Variants in USP37 observed in about 807,000 individuals in gnomAD.
The protein encoded by USP37 is ubiquitin specific peptidase 37.
In USP37, 27 loss-of-function variants were observed where a neutral mutation model predicts 124.0. The observed-to-expected ratio is 0.22, with a 90% CI of 0.16 to 0.30. The LOEUF is 0.30. Ranked by LOEUF, USP37 falls within the 10% of genes least tolerant of loss-of-function variation. USP37 has a pLI of 1.00. For synonymous variants in USP37, 365 were observed against 388.0 expected (o/e 0.94, Z 0.70); for missense variants, 889 against 1,140.4 (o/e 0.78, Z 3.17).
chr2:218,476,561 C>A (rs1237791361), intron 19 of USP37, among the ~76,000 whole-genome samples: 1 of 152,008 alleles, frequency 6.6e-6, no homozygotes, highest in African/African-American at 2.4e-5. Flanking sequence ...GGCAACAGAG[C>A]GATACCCTGT....
intron 10 of USP37, among the ~76,000 whole-genome samples, chr2:218,527,710 G>A (rs1691061462): frequency 6.6e-6 from 1 of 152,126 alleles, no homozygotes; most frequent in Non-Finnish European, 1.5e-5. Flanking sequence ...TTAGATTTAA[G>A]ATTCTTCTAA....
chr2:218,470,822 T>C (rs1216762982), intron 20 of USP37, among the ~76,000 whole-genome samples: 1 of 152,154 alleles, frequency 6.6e-6, no homozygotes, highest in African/African-American at 2.4e-5. Context: ...AAGTCACAGA[T>C]ATTTATTGAG....
intron 4 of USP37, among the ~76,000 whole-genome samples, chr2:218,555,180 C>T (rs1692897523): frequency 6.6e-6 from 1 of 152,172 alleles, no homozygotes; most frequent in Admixed American, 6.5e-5. Flanking sequence ...AGTCAGGCAG[C>T]CTTATTCTCT....
intron 8 of USP37, 43 bp downstream of exon 8, chr2:218,546,178 G>A (rs746932323): frequency 6.7e-7 from 1 of 1,487,786 alleles, no homozygotes; most frequent in South Asian, 1.2e-5. Flanking sequence ...ACCAATATAA[G>A]AAACACTGCT....
At chr2:218,567,803 G>A (rs1367910384) in intron 1 of USP37, among the ~76,000 whole-genome samples, 1 of 152,216 alleles carries the variant, frequency 6.6e-6, no homozygotes, top group African/African-American at 2.4e-5. Context: ...AGAGGAAGGT[G>A]AAGATGGTCA....
intron 10 of USP37, among the ~76,000 whole-genome samples, chr2:218,526,785 C>CTTTTTTTTTTTTTTTTTTT (rs71064454): frequency 9.2e-5 from 7 of 75,914 alleles, no homozygotes; most frequent in Non-Finnish European, 1.1e-4. Context: ...ATTTCATTTG[C>CTTTTTTTTTTTTTTTTTTT]TTTTTTTTTT....
At chr2:218,520,580 G>A (rs1376642187) in intron 10 of USP37, among the ~76,000 whole-genome samples, 1 of 151,260 alleles carries the variant, frequency 6.6e-6, no homozygotes, top group African/African-American at 2.4e-5. Flanking sequence ...TCAAACTCCC[G>A]ACCTCGGGTG....
At chr2:218,464,697 C>T (rs1323567177) in intron 21 of USP37, among the ~76,000 whole-genome samples, 2 of 152,166 alleles carry the variant, frequency 1.3e-5, no homozygotes, top group African/African-American at 4.8e-5. Context: ...AAGTCAGATC[C>T]TGTTGCCTAT....
chr2:218,460,876 G>A (rs1689983148), intron 22 of USP37, among the ~76,000 whole-genome samples: 1 of 151,960 alleles, frequency 6.6e-6, no homozygotes, highest in Non-Finnish European at 1.5e-5. Flanking sequence ...GGGAGGCGGA[G>A]GTTGCAGTGA....
At chr2:218,565,859 G>C (rs149165590) in intron 1 of USP37, among the ~76,000 whole-genome samples, 1 of 152,096 alleles carries the variant, frequency 6.6e-6, no homozygotes, top group African/African-American at 2.4e-5. Context: ...GACCAGCCTG[G>C]CCAACATGGT....
intron 5 of USP37, among the ~76,000 whole-genome samples, chr2:218,550,986 T>A (rs978937715): frequency 1.3e-5 from 2 of 152,148 alleles, no homozygotes; most frequent in East Asian, 3.8e-4. Flanking sequence ...CTAGTTTTTA[T>A]GTAACACCCA....
rs553478416 is a variant in USP37, at chr2:218,532,339, G to A, written c.778+2270C>T. Among the ~76,000 whole-genome samples the A allele has an allele frequency of 6.6e-5, 10 of 151,954 alleles. No homozygotes were observed. In the East Asian group the frequency reaches 1.2e-3, roughly 18 times the overall value. ...AAATTAGCTGCATGTAGTGGTGTGCGCCTGTAGTCCCAGCTACTCGGGAGG... is the reference window on the plus strand; with the variant it reads ...AAATTAGCTGCATGTAGTGGTGTGCACCTGTAGTCCCAGCTACTCGGGAGG... On this transcript the variant is annotated intron_variant, in intron 9 of 25. Transcript: ENST00000258399.
chr2:218,491,247 C>T (rs1259986325), intron 14 of USP37, among the ~76,000 whole-genome samples: 1 of 152,194 alleles, frequency 6.6e-6, no homozygotes, highest in East Asian at 1.9e-4. Context: ...ATACTTCCTA[C>T]TAGCCTGGAA....
chr2:218,549,762 C>T, intron 6 of USP37, 47 bp downstream of exon 6: 2 of 1,574,776 alleles, frequency 1.3e-6, no homozygotes, highest in Non-Finnish European at 1.7e-6. Context: ...CTGTGCCTGG[C>T]CAACTATCAT....
rs1689046483 is a variant in USP37 at position 218,495,686 on chromosome 2, G to C, written c.1472+74C>G. The stretch of plus-strand genomic sequence containing the variant: ...AACAGAAAAGAATTCATGGCATTTG[G>C]TATGTCATAGAAGAATTTTAATCAC... On this transcript the variant is annotated intron_variant, in intron 14 of 25. Coordinates refer to ENST00000258399, the MANE Select transcript of USP37 (RefSeq NM_020935.3). 2.8e-6 allele frequency: 4 copies of C among 1,441,104 alleles called. No individual in the cohort carries two copies. In the Admixed American group the frequency reaches 8.9e-5, roughly 32 times the overall value. 89.3% of individuals were successfully genotyped at this position (1,441,104 alleles called of 1,614,324 possible).
At chr2:218,521,059 C>G (rs1460023762) in intron 10 of USP37, among the ~76,000 whole-genome samples, 1 of 152,050 alleles carries the variant, frequency 6.6e-6, no homozygotes, top group African/African-American at 2.4e-5. Flanking sequence ...GGTACCTCCC[C>G]CTTCTCACTC....
At chr2:218,523,623 G>A (rs924218818) in intron 10 of USP37, among the ~76,000 whole-genome samples, 10 of 151,890 alleles carry the variant, frequency 6.6e-5, no homozygotes, top group African/African-American at 2.4e-4. Flanking sequence ...TTACTATGTT[G>A]CCCAGGCAGG....
chr2:218,560,000 A>AAAC (rs1559232505), intron 3 of USP37, among the ~76,000 whole-genome samples: 1 of 152,046 alleles, frequency 6.6e-6, no homozygotes, highest in African/African-American at 2.4e-5. Flanking sequence ...AACAAACAAA[A>AAAC]AAAAAACACA....
intron 22 of USP37, among the ~76,000 whole-genome samples, chr2:218,462,967 G>GACCA (rs1276205314): frequency 6.6e-6 from 1 of 152,056 alleles, no homozygotes; most frequent in Non-Finnish European, 1.5e-5. Context: ...AGGAGTTCAA[G>GACCA]ACCAGCCTTG....
Sources: gnomAD v4.1 joint callset for allele counts (sites outside exome capture counted in the v4.1 genomes callset) on GRCh38, gnomAD v4.1.1 for gene constraint, MANE v1.5 for transcripts, NCBI Gene and HGNC (gene_info 2026-07-23, HGNC 2026-07-21) for gene names.